The following NFASC variants were observed in gnomAD, a reference collection of about 807,000 sequenced individuals.
NFASC encodes neurofascin homolog.
A neutral mutation model predicts 147.5 loss-of-function variants in NFASC; 43 were observed. That is an observed-to-expected ratio of 0.29 (90% CI 0.23 to 0.38). NFASC has a LOEUF of 0.38. NFASC is among the 10% of genes least tolerant of loss of function. The pLI, the probability that NFASC is intolerant of heterozygous loss-of-function variation, is 1.00. For missense variants in NFASC, 1,320 were observed against 1,689.0 expected (o/e 0.78, Z 3.83); for synonymous variants, 622 against 665.5 (o/e 0.93, Z 1.01).
chr1:204,891,924 A>G (rs1406064746), intron 1 of NFASC, among the ~76,000 whole-genome samples: 1 of 152,094 alleles, frequency 6.6e-6, no homozygotes, highest in Non-Finnish European at 1.5e-5. Flanking sequence ...CTACGAGGAA[A>G]CCTAGTACCA....
chr1:205,009,788 T>G (rs1018028952), intron 28 of NFASC, 100 bp downstream of exon 28: 18 of 1,281,946 alleles, frequency 1.4e-5, no homozygotes, highest in Non-Finnish European at 1.5e-5. Context: ...GTTCTCTCAG[T>G]GAAGCCAGCC....
At chr1:205,009,287 C>T in intron 27 of NFASC, 3 of 567,754 alleles carry the variant, frequency 5.3e-6, no homozygotes, top group South Asian at 1.7e-5. Context: ...ATGACACTTT[C>T]CCCTTCCTAA....
intron 1 of NFASC, among the ~76,000 whole-genome samples, chr1:204,898,198 T>C (rs1373347605): frequency 6.6e-6 from 1 of 152,244 alleles, no homozygotes; most frequent in Non-Finnish European, 1.5e-5. Flanking sequence ...GCCCATTTTC[T>C]GAACCGCTGC....
At chr1:204,957,974 C>A in intron 8 of NFASC, 148 bp downstream of exon 8, 1 of 688,904 alleles carries the variant, frequency 1.5e-6, no homozygotes, top group Non-Finnish European at 2.5e-6. Flanking sequence ...TGAGCCACTT[C>A]AGCTGCTCTT....
At chr1:204,913,462 G>A (rs543254740) in intron 1 of NFASC, among the ~76,000 whole-genome samples, 1 of 152,184 alleles carries the variant, frequency 6.6e-6, no homozygotes. Context: ...CACATGAAGG[G>A]ATAAACAGAT....
In NFASC at chr1:204,967,013, C is replaced by T. The variant is rs530241665; in HGVS notation, c.707-1236C>T. On this transcript the variant is annotated intron_variant, in intron 8 of 29. Transcript: ENST00000339876. ...CAGTTACATCTGGATAAAGTTCCCCCGCACTCTCTCCTCACGCTACCAGCA... is the reference window on the plus strand; with the variant it reads ...CAGTTACATCTGGATAAAGTTCCCCTGCACTCTCTCCTCACGCTACCAGCA... Among the ~76,000 whole-genome samples, 7 of 152,174 alleles carry T rather than the reference C, an allele frequency of 4.6e-5. No homozygotes were observed. The East Asian group carries it at 1.2e-3, about 25-fold the overall frequency.
At chr1:204,854,624 C>T (rs1185326637) in intron 1 of NFASC, among the ~76,000 whole-genome samples, 2 of 152,198 alleles carry the variant, frequency 1.3e-5, no homozygotes, top group African/African-American at 2.4e-5. Flanking sequence ...TTAGCCCTCT[C>T]CAGGGCATTC....
intron 1 of NFASC, among the ~76,000 whole-genome samples, chr1:204,907,572 T>C (rs536677421): frequency 1.3e-5 from 2 of 152,332 alleles, no homozygotes; most frequent in South Asian, 4.1e-4. Flanking sequence ...CTTGCGAAGA[T>C]ATTGGCTCTC....
chr1:204,971,960 C>G (rs2095270680), intron 11 of NFASC, among the ~76,000 whole-genome samples: 1 of 152,220 alleles, frequency 6.6e-6, no homozygotes, highest in South Asian at 2.1e-4. Flanking sequence ...TCACCTGTCA[C>G]TCTCCCCAGG....
chr1:204,854,606 C>A (rs1423213772), intron 1 of NFASC, among the ~76,000 whole-genome samples: 2 of 152,216 alleles, frequency 1.3e-5, no homozygotes, highest in East Asian at 3.8e-4. Context: ...GGAGTTCTCT[C>A]AAGCTGGTTA....
At chr1:204,838,577 T>G (rs1275282807) in intron 1 of NFASC, among the ~76,000 whole-genome samples, 2 of 152,160 alleles carry the variant, frequency 1.3e-5, no homozygotes, top group Non-Finnish European at 2.9e-5. Flanking sequence ...GGACCTGATC[T>G]AAGACTTTTC....
intron 1 of NFASC, chr1:204,870,649 T>C: frequency 9.6e-7 from 1 of 1,045,902 alleles, no homozygotes; most frequent in Non-Finnish European, 1.2e-6. Flanking sequence ...TCTTCCATTA[T>C]GCATGAGGGA....
rs1360505767 is a variant in NFASC, at chr1:204,865,581, AC to A, written c.-200+36801del. On this transcript the variant is annotated intron_variant, in intron 1 of 29. Coordinates refer to ENST00000339876, the MANE Select transcript of NFASC (RefSeq NM_001005388.3). ...TGGTACTCTTGTCAAAAATCAGTTGACCATAGAAATATGGGTTTATTTGTGG... is the reference window on the plus strand; with the variant it reads ...TGGTACTCTTGTCAAAAATCAGTTGACATAGAAATATGGGTTTATTTGTGG... Among the ~76,000 whole-genome samples the A allele has an allele frequency of 6.6e-5, 10 of 152,296 alleles. No homozygotes were observed. In the East Asian group the frequency reaches 1.9e-3, roughly 29 times the overall value.
chr1:204,964,640 G>C (rs373636311), intron 8 of NFASC, among the ~76,000 whole-genome samples: 2 of 152,272 alleles, frequency 1.3e-5, no homozygotes, highest in East Asian at 3.9e-4. Context: ...TATCTTCTGG[G>C]GTTGTTTGGT....
chr1:204,948,968 C>A (rs191904613), intron 3 of NFASC, among the ~76,000 whole-genome samples: 13 of 152,296 alleles, frequency 8.5e-5, no homozygotes, highest in African/African-American at 3.1e-4. Context: ...GGGGCCCTGG[C>A]AAGAATATCA....
At position 205,009,647 on chromosome 1, in the gene NFASC, T is replaced by C; in HGVS notation, c.3380T>C (p.Ile1127Thr). The C allele has an allele frequency of 6.2e-7, 1 of 1,614,144 alleles. No individual in the cohort carries two copies. The highest frequency in any genetic ancestry group is 8.5e-7 in the Non-Finnish European group (1 of 1,180,040). Residue 1127 changes from isoleucine (I) to threonine (T), a missense_variant, in exon 28 of 30, where the codon ATC (isoleucine) becomes ACC (threonine). Transcript: ENST00000339876. ...AIALLVLILL[I>T]VCFIKRSRGG... ...GCCCTCCTGGTGCTGATCCTGCTCA[T>C]CGTCTGTTTCATCAAGAGGAGTCGC...
At chr1:204,867,370 C>T (rs1285698593) in intron 1 of NFASC, among the ~76,000 whole-genome samples, 1 of 151,562 alleles carries the variant, frequency 6.6e-6, no homozygotes, top group Non-Finnish European at 1.5e-5. Flanking sequence ...GACCTAGAGA[C>T]CCACATATCA....
chr1:204,961,864 T>A (rs2094688909), intron 8 of NFASC, among the ~76,000 whole-genome samples: 1 of 152,246 alleles, frequency 6.6e-6, no homozygotes, highest in Admixed American at 6.5e-5. Context: ...AAAAAACCAT[T>A]ACTGTATTAT....
At chr1:204,917,962 C>T (rs2089652998) in intron 1 of NFASC, among the ~76,000 whole-genome samples, 1 of 152,146 alleles carries the variant, frequency 6.6e-6, no homozygotes, top group African/African-American at 2.4e-5. Context: ...AATGTGCATG[C>T]ACAGGTGTGT....
Sources: allele counts gnomAD v4.1 joint callset (sites outside exome capture counted in the v4.1 genomes callset), GRCh38; gene constraint gnomAD v4.1.1; transcripts MANE v1.5; gene names NCBI Gene and HGNC (gene_info 2026-07-23, HGNC 2026-07-21).